The following MEX3B variants were observed in gnomAD, a reference collection of about 807,000 sequenced individuals.
The protein encoded by MEX3B is mex-3 RNA binding family member B.
In MEX3B, 10 loss-of-function variants were observed where a neutral mutation model predicts 12.2. The observed-to-expected ratio is 0.82, with a 90% CI of 0.51 to 1.40. The LOEUF (loss-of-function observed/expected upper bound fraction) is 1.40, where lower values mean the gene tolerates loss of function less well. Among genes scored for constraint, MEX3B ranks in the 40% most tolerant of loss-of-function variants. MEX3B has a pLI of 0.00. For synonymous variants in MEX3B, 498 were observed against 356.3 expected (o/e 1.40, Z -4.48); for missense variants, 839 against 801.4 (o/e 1.05, Z -0.57).
At position 82,044,360 on chromosome 15, in the gene MEX3B, G is replaced by T. The variant is rs1328785948; in HGVS notation, c.510C>A (p.Arg170=). 35 of 1,611,762 alleles carry T rather than the reference G, an allele frequency of 2.2e-5. No individual in the cohort carries two copies. Among genetic ancestry groups the T allele is most frequent in the Non-Finnish European group, 2.9e-5 (34 of 1,179,796 alleles). Reference sequence around the variant, plus strand: ...TGGGCCCCACCACGAGCCCCACCACGCGGTAGGGTACCCGCACTTGGATGG... The same window carrying T: ...TGGGCCCCACCACGAGCCCCACCACTCGGTAGGGTACCCGCACTTGGATGG... The part of the protein sequence containing the change: ...QTTIQVRVPY[R]VVGLVVGPKG... The change falls in exon 2 of 2, where the codon CGC becomes CGA. Residue 170 remains arginine (R), a synonymous_variant. Transcript: ENST00000329713. The surrounding 1 kb of genome is among the most constrained non-coding windows in gnomAD (Gnocchi z 5.3).
rs1393027431 is a variant in MEX3B, at chr15:82,041,839, C to CT, written c.*1320dup. The stretch of plus-strand genomic sequence containing the variant: ...CTTAAAAAATGAAGTAGCACCATTA[C>CT]TTAAGTTTTACCTTTATTATGTAGA... On this transcript the variant is annotated 3_prime_UTR_variant, in exon 2 of 2. Transcript: ENST00000329713. 2 of 152,498 alleles carry CT rather than the reference C, an allele frequency of 1.3e-5. No individual in the cohort carries two copies. Among genetic ancestry groups the CT allele is most frequent in the Non-Finnish European group, 1.5e-5 (1 of 68,010 alleles). The allele number at this position is 152,498 out of a possible 1,614,324, so 9.4% of individuals were successfully genotyped here.
chr15:82,044,323 T>C lies in MEX3B; in HGVS notation c.547A>G (p.Ile183Val), dbSNP rs1327004534. 3.7e-6 allele frequency: 6 copies of C among 1,612,764 alleles called. No individual in the cohort carries two copies. The East Asian group carries it at 6.7e-5, about 18-fold the overall frequency. ...TGCGTCTGCTGCTGGATGCGCTTGATTGTGGCGCCTTTGGGCCCCACCACG... is the reference window on the plus strand; with the variant it reads ...TGCGTCTGCTGCTGGATGCGCTTGACTGTGGCGCCTTTGGGCCCCACCACG... ...GLVVGPKGAT[I>V]KRIQQQTHTY... Residue 183 changes from isoleucine (I) to valine (V), a missense_variant, in exon 2 of 2, where the codon ATC (isoleucine) becomes GTC (valine). Coordinates refer to ENST00000329713, the MANE Select transcript of MEX3B (RefSeq NM_032246.6). This position sits in a 1 kb window ranked among gnomAD's most constrained non-coding sequence, Gnocchi z 5.3.
In MEX3B at chr15:82,042,779, TC is replaced by T. The variant is rs2073227831; in HGVS notation, c.*380del. On this transcript the variant is annotated 3_prime_UTR_variant, in exon 2 of 2. Coordinates refer to ENST00000329713, the MANE Select transcript of MEX3B (RefSeq NM_032246.6). The stretch of plus-strand genomic sequence containing the variant: ...ATCATAATTATTACTGTTCATTTTT[TC>T]CTACTTTAAGAAAATGGAAAACTTG... The T allele has an allele frequency of 6.2e-6, 1 of 162,110 alleles. No individual in the cohort carries two copies. The highest frequency in any genetic ancestry group is 1.3e-5 in the Non-Finnish European group (1 of 74,900). 10.0% of individuals were successfully genotyped at this position (162,110 alleles called of 1,614,324 possible). A position where few individuals can be genotyped will look rare whatever the true frequency, so the allele number is the denominator to read the frequency against.
chr15:82,041,857 T>G lies in MEX3B; in HGVS notation c.*1303A>C, dbSNP rs1306384862. ...ACCATTACTTAAGTTTTACCTTTAT[T>G]ATGTAGAACTTTAAATGTCAGAAAA... On this transcript the variant is annotated 3_prime_UTR_variant, in exon 2 of 2. Coordinates refer to ENST00000329713, the MANE Select transcript of MEX3B (RefSeq NM_032246.6). 3 of 152,658 alleles carry G rather than the reference T, an allele frequency of 2.0e-5. No homozygotes were observed. Among genetic ancestry groups the G allele is most frequent in the African/African-American group, 4.8e-5 (2 of 41,462 alleles). 9.5% of individuals were successfully genotyped at this position (152,658 alleles called of 1,614,324 possible). A position where few individuals can be genotyped will look rare whatever the true frequency, so the allele number is the denominator to read the frequency against.
In MEX3B at chr15:82,043,894, T is replaced by C. The variant is rs1309131286; in HGVS notation, c.976A>G (p.Ser326Gly). 1.3e-6 allele frequency: 2 copies of C among 1,593,040 alleles called. No homozygotes were observed. The highest frequency in any genetic ancestry group is 2.7e-5 in the African/African-American group (2 of 74,508). ...ADYSPPSPAL[S>G]FAHNGNNNNN... ...TTATTGTTTCCGTTGTGCGCAAAGC[T>C]CAGGGCGGGGCTAGGGGGGCTGTAG... is the stretch of plus-strand genomic sequence containing the variant. The change falls in exon 2 of 2, where the codon AGC becomes GGC. Residue 326 changes from serine to glycine, a missense_variant. Around this residue, in one of 3 missense-constraint regions of MEX3B, gnomAD observed 573 missense variants for 488.9 expected, o/e 1.17. Coordinates refer to ENST00000329713, the MANE Select transcript of MEX3B (RefSeq NM_032246.6).
chr15:82,045,415 A>ACCCCCCCCCCCCCCCCCCACCCC, intron 1 of MEX3B, 35 bp downstream of exon 1: 11 of 1,530,488 alleles, frequency 7.2e-6, no homozygotes, highest in African/African-American at 1.4e-5. Flanking sequence ...ACCCTACACC[A>ACCCCCCCCCCCCCCCCCCACCCC]CCCCCACCCA....
chr15:82,044,741 G>A lies in MEX3B; in HGVS notation c.257-128C>T, dbSNP rs958554898. ...GAGACGGCAGGACAAGAGATGGGCGGAAAGGGGGCGTCTCCCTCACTGACC... is the reference window on the plus strand; with the variant it reads ...GAGACGGCAGGACAAGAGATGGGCGAAAAGGGGGCGTCTCCCTCACTGACC... On this transcript the variant is annotated intron_variant, in intron 1 of 1. Coordinates refer to ENST00000329713, the MANE Select transcript of MEX3B (RefSeq NM_032246.6). The surrounding 1 kb of genome is among the most constrained non-coding windows in gnomAD (Gnocchi z 5.3). 1.6e-5 allele frequency: 14 copies of A among 900,944 alleles called. No individual in the cohort carries two copies. The African/African-American group carries it at 2.0e-4, about 13-fold the overall frequency. 55.8% of individuals were successfully genotyped at this position (900,944 alleles called of 1,614,324 possible). A position where few individuals can be genotyped will look rare whatever the true frequency, so the allele number is the denominator to read the frequency against.
At position 82,044,422 on chromosome 15, in the gene MEX3B, C is replaced by G; in HGVS notation, c.448G>C (p.Ala150Pro). 2 of 1,612,086 alleles carry G rather than the reference C, an allele frequency of 1.2e-6. No homozygotes were observed. The highest frequency in any genetic ancestry group is 2.2e-5 in the South Asian group (2 of 91,024). ...GGCAGGTTGGGCGGCCCAGGCACCG[C>G]GCCGTTGAGTGCCGTGTTCTTATTC... is the stretch of plus-strand genomic sequence containing the variant. ...SRNKNTALNG[A>P]VPGPPNLPGQ... is the part of the protein sequence containing the mutation. The change falls in exon 2 of 2, where the codon GCG becomes CCG. Residue 150 changes from alanine (A) to proline (P), a missense_variant. Coordinates refer to ENST00000329713, the MANE Select transcript of MEX3B (RefSeq NM_032246.6). This position sits in a 1 kb window ranked among gnomAD's most constrained non-coding sequence, Gnocchi z 5.3.
chr15:82,044,119 C>A lies in MEX3B; in HGVS notation c.751G>T (p.Asp251Tyr), dbSNP rs753266910. The change falls in exon 2 of 2, where the codon GAT becomes TAT. Residue 251 changes from aspartate to tyrosine, a missense_variant. Around this residue, in one of 3 missense-constraint regions of MEX3B, gnomAD observed 573 missense variants for 488.9 expected, o/e 1.17. Coordinates refer to ENST00000329713, the MANE Select transcript of MEX3B (RefSeq NM_032246.6). The surrounding 1 kb of genome is among the most constrained non-coding windows in gnomAD (Gnocchi z 5.3). ...GACCCGCCGGACCCATGATGCAGAT[C>A]GAAGCCCACATCGGTGCCGTTGGCG... ...FHANGTDVGF[D>Y]LHHGSGGSGP... The A allele has an allele frequency of 6.2e-7, 1 of 1,613,308 alleles. No individual in the cohort carries two copies. The highest frequency in any genetic ancestry group is 1.7e-5 in the Admixed American group (1 of 60,018).
rs773811323 is a variant in MEX3B, at chr15:82,045,555, C to G, written c.151G>C (p.Gly51Arg). 1 of 1,611,714 alleles carries G rather than the reference C, an allele frequency of 6.2e-7. No individual in the cohort carries two copies. Among genetic ancestry groups the G allele is most frequent in the Non-Finnish European group, 8.5e-7 (1 of 1,179,742 alleles). The change falls in exon 1 of 2, where the codon GGC (glycine) becomes CGC (arginine). Residue 51 changes from glycine to arginine, a missense_variant. Gly to Arg is a moderately radical substitution (Grantham distance 125, BLOSUM62 -2). Around this residue, in one of 3 missense-constraint regions of MEX3B, gnomAD observed 214 missense variants for 223.8 expected, o/e 0.96. Coordinates refer to ENST00000329713, the MANE Select transcript of MEX3B (RefSeq NM_032246.6). ...GGCTCGCTGTCGTACAGAGAGGCGCCCTCGTCACTGTCCAGCCCCAGCAGG... is the reference window on the plus strand; with the variant it reads ...GGCTCGCTGTCGTACAGAGAGGCGCGCTCGTCACTGTCCAGCCCCAGCAGG... ...LSLLGLDSDE[G>R]ASLYDSEPRK...
chr15:82,043,453 C>T lies in MEX3B; in HGVS notation c.1417G>A (p.Ala473Thr). Residue 473 changes from alanine (A) to threonine (T), a missense_variant, in exon 2 of 2, where the codon GCT becomes ACT. By Grantham distance (58) the Ala-to-Thr change is moderately conservative (BLOSUM62 0). Around this residue, in one of 3 missense-constraint regions of MEX3B, gnomAD observed 573 missense variants for 488.9 expected, o/e 1.17. Transcript: ENST00000329713. The stretch of plus-strand genomic sequence containing the variant: ...TGTGCCCCCAGCCCGTTGGCATAAG[C>T]GGCGTAGGCCAGGCCTCCTCCACCC... ...DPGGGGLAYA[A>T]YANGLGAQLP... 6.5e-7 allele frequency: 1 copy of T among 1,548,446 alleles called. No individual in the cohort carries two copies. The highest frequency in any genetic ancestry group is 1.2e-5 in the South Asian group (1 of 83,392).
chr15:82,043,565 G>A lies in MEX3B; in HGVS notation c.1305C>T (p.Gly435=). The change falls in exon 2 of 2, where the codon GGC becomes GGT. Residue 435 remains glycine, a synonymous_variant. Coordinates refer to ENST00000329713, the MANE Select transcript of MEX3B (RefSeq NM_032246.6). ...GTGGAGACAGGCGCGGGCAGCTGGT[G>A]CCAGGGTGCAGCCGGCGGTGCACCA... The part of the protein sequence containing the change: ...GLLVHRRLHP[G]TSCPRLSPPL... 6.4e-7 allele frequency: 1 copy of A among 1,550,744 alleles called. No individual in the cohort carries two copies. Among genetic ancestry groups the A allele is most frequent in the Non-Finnish European group, 8.7e-7 (1 of 1,150,884 alleles).
In MEX3B at chr15:82,043,936, T is replaced by TAGC; in HGVS notation, c.931_933dup (p.Ala311dup). On this transcript the variant is annotated inframe_insertion, in exon 2 of 2. Transcript: ENST00000329713. ...GGGCTGTAGTCCGCCAGGCGCTGGG[T>TAGC]AGCCGCTGCGCTGCTGCTGGTCCCG... is the stretch of plus-strand genomic sequence containing the variant. The TAGC allele has an allele frequency of 6.2e-7, 1 of 1,604,886 alleles. No homozygotes were observed. Among genetic ancestry groups the TAGC allele is most frequent in the Non-Finnish European group, 8.5e-7 (1 of 1,178,188 alleles).
Position 82,044,447 on chromosome 15 carries a change from C to A in MEX3B, c.423G>T (p.Arg141=), listed in dbSNP as rs762676840. 2 of 1,613,264 alleles carry A rather than the reference C, an allele frequency of 1.2e-6. No individual in the cohort carries two copies. The highest frequency in any genetic ancestry group is 2.2e-5 in the South Asian group (2 of 91,074). The change falls in exon 2 of 2, where the codon CGG becomes CGT. Residue 141 remains arginine (R), a synonymous_variant. Coordinates refer to ENST00000329713, the MANE Select transcript of MEX3B (RefSeq NM_032246.6). The surrounding 1 kb of genome is among the most constrained non-coding windows in gnomAD (Gnocchi z 5.3). The part of the protein sequence containing the change: ...AEHFSMIRAS[R]NKNTALNGAV... ...CGCCGTTGAGTGCCGTGTTCTTATTCCGGGAGGCGCGGATCATGGAGAAGT... is the reference window on the plus strand; with the variant it reads ...CGCCGTTGAGTGCCGTGTTCTTATTACGGGAGGCGCGGATCATGGAGAAGT...
At chr15:82,045,334 C>T (rs1406901519) in intron 1 of MEX3B, 116 bp downstream of exon 1, 2 of 1,300,916 alleles carry the variant, frequency 1.5e-6, no homozygotes, top group African/African-American at 1.5e-5. Context: ...GGCTCTTCCT[C>T]TCTCCCCAAG....
rs970187493 is a variant in MEX3B at position 82,043,440 on chromosome 15, C to A, written c.1430G>T (p.Gly477Val). ...GGLAYAAYAN[G>V]LGAQLPGLQP... is the part of the protein sequence containing the mutation. ...CAAGCCAGGCAGCTGTGCCCCCAGC[C>A]CGTTGGCATAAGCGGCGTAGGCCAG... The change falls in exon 2 of 2, where the codon GGG becomes GTG. Residue 477 changes from glycine (G) to valine (V), a missense_variant. Physicochemically the swap from Gly to Val is moderately radical, Grantham distance 109. This residue lies in a region of MEX3B where 573 missense variants were observed against 488.9 expected (regional missense o/e 1.17). Coordinates refer to ENST00000329713, the MANE Select transcript of MEX3B (RefSeq NM_032246.6). 12 of 1,561,162 alleles carry A rather than the reference C, an allele frequency of 7.7e-6. No individual in the cohort carries two copies. The highest frequency in any genetic ancestry group is 1.4e-5 in the African/African-American group (1 of 73,418).
chr15:82,044,684 G>A lies in MEX3B; in HGVS notation c.257-71C>T. 1 of 1,471,702 alleles carries A rather than the reference G, an allele frequency of 6.8e-7. No homozygotes were observed. Among genetic ancestry groups the A allele is most frequent in the Non-Finnish European group, 9.5e-7 (1 of 1,057,904 alleles). The allele number at this position is 1,471,702 out of a possible 1,614,324, so 91.2% of individuals were successfully genotyped here. ...ACGCCCATTATCCTGGGGTAACCGCGGGGACCGGGGACAGCCCGCGTCCAG... is the reference window on the plus strand; with the variant it reads ...ACGCCCATTATCCTGGGGTAACCGCAGGGACCGGGGACAGCCCGCGTCCAG... On this transcript the variant is annotated intron_variant, in intron 1 of 1. Coordinates refer to ENST00000329713, the MANE Select transcript of MEX3B (RefSeq NM_032246.6). The surrounding 1 kb of genome is among the most constrained non-coding windows in gnomAD (Gnocchi z 5.3).
Position 82,044,313 on chromosome 15 carries a change from A to C in MEX3B, c.557T>G (p.Ile186Ser). The change falls in exon 2 of 2, where the codon ATC (isoleucine) becomes AGC (serine). Residue 186 changes from isoleucine (I) to serine (S), a missense_variant. By Grantham distance (142) the Ile-to-Ser change is moderately radical (BLOSUM62 -2). Around this residue, in one of 3 missense-constraint regions of MEX3B, gnomAD observed 52 missense variants for 88.7 expected, o/e 0.59. Coordinates refer to ENST00000329713, the MANE Select transcript of MEX3B (RefSeq NM_032246.6). The surrounding 1 kb of genome is among the most constrained non-coding windows in gnomAD (Gnocchi z 5.3). ...GATGTACGTGTGCGTCTGCTGCTGG[A>C]TGCGCTTGATTGTGGCGCCTTTGGG... ...VGPKGATIKR[I>S]QQQTHTYIVT... is the part of the protein sequence containing the mutation. 6.2e-7 allele frequency: 1 copy of C among 1,613,156 alleles called. No homozygotes were observed. Among genetic ancestry groups the C allele is most frequent in the Non-Finnish European group, 8.5e-7 (1 of 1,180,006 alleles).
In MEX3B at chr15:82,043,948, T is replaced by C; in HGVS notation, c.922A>G (p.Ser308Gly). 1.9e-6 allele frequency: 3 copies of C among 1,607,392 alleles called. No individual in the cohort carries two copies. The highest frequency in any genetic ancestry group is 2.5e-6 in the Non-Finnish European group (3 of 1,179,282). ...DSYFGGGTSS[S>G]AAATQRLADY... ...GCCAGGCGCTGGGTAGCCGCTGCGC[T>C]GCTGCTGGTCCCGCCGCCGAAATAA... The change falls in exon 2 of 2, where the codon AGC (serine) becomes GGC (glycine). Residue 308 changes from serine (S) to glycine (G), a missense_variant. Coordinates refer to ENST00000329713, the MANE Select transcript of MEX3B (RefSeq NM_032246.6).
Sources: gnomAD v4.1 joint callset for allele counts on GRCh38, gnomAD v4.1.1 for gene constraint, gnomAD v4.1.1 regional missense constraint, Gnocchi (gnomAD v3.1) non-coding constraint, MANE v1.5 for transcripts, NCBI Gene and HGNC (gene_info 2026-07-23, HGNC 2026-07-21) for gene names.